The following BEND6 variants were observed in gnomAD, a reference collection of about 807,000 sequenced individuals.
The protein encoded by BEND6 is BEN domain containing 6.
A neutral mutation model predicts 31.8 loss-of-function variants in BEND6; 24 were observed. The observed-to-expected ratio is 0.75, with a 90% CI of 0.55 to 1.06. The LOEUF is 1.06. Ranked by LOEUF, BEND6 falls within the 50% of genes least tolerant of loss-of-function variation. BEND6 has a pLI of 0.00. For synonymous variants in BEND6, 109 were observed against 114.6 expected (o/e 0.95, Z 0.31); for missense variants, 294 against 327.4 (o/e 0.90, Z 0.79).
intron 3 of BEND6, among the ~76,000 whole-genome samples, chr6:57,001,198 C>G (rs1178676147): frequency 1.4e-5 from 2 of 142,206 alleles, no homozygotes; most frequent in East Asian, 4.1e-4. Context: ...GGGTCTTGCT[C>G]TGTTGCCCAG....
intron 4 of BEND6, among the ~76,000 whole-genome samples, chr6:57,016,830 G>C (rs777184066): frequency 6.6e-6 from 1 of 152,150 alleles, no homozygotes; most frequent in Non-Finnish European, 1.5e-5. Context: ...GTGAGGCAAC[G>C]TGTTATAGGT....
At chr6:56,996,199 C>T (rs1431115238) in intron 3 of BEND6, among the ~76,000 whole-genome samples, 1 of 152,172 alleles carries the variant, frequency 6.6e-6, no homozygotes, top group Non-Finnish European at 1.5e-5. Context: ...TGTAATCCAG[C>T]TCTTTGGGAG....
At chr6:57,011,733 A>G (rs1827353666) in intron 3 of BEND6, among the ~76,000 whole-genome samples, 1 of 147,900 alleles carries the variant, frequency 6.8e-6, no homozygotes, top group Middle Eastern at 3.5e-3. Flanking sequence ...AAAAAAAAAA[A>G]AAGAAAAAAA....
chr6:56,968,982 G>A (rs1233752440), intron 1 of BEND6, among the ~76,000 whole-genome samples: 1 of 151,968 alleles, frequency 6.6e-6, no homozygotes, highest in Non-Finnish European at 1.5e-5. Context: ...GGCTGAGGCA[G>A]GAGAATCACT....
chr6:57,015,616 T>C (rs1827527304), intron 4 of BEND6, among the ~76,000 whole-genome samples: 1 of 147,564 alleles, frequency 6.8e-6, no homozygotes, highest in Admixed American at 6.8e-5. Context: ...GCTAACACAG[T>C]GAAATCCCCT....
At chr6:56,957,552 A>C (rs1825132001) in intron 1 of BEND6, among the ~76,000 whole-genome samples, 1 of 152,240 alleles carries the variant, frequency 6.6e-6, no homozygotes, top group Admixed American at 6.5e-5. Flanking sequence ...AATTTAGTAG[A>C]AATTATACCT....
At chr6:56,993,990 G>A (rs1208888927) in intron 3 of BEND6, among the ~76,000 whole-genome samples, 2 of 152,154 alleles carry the variant, frequency 1.3e-5, no homozygotes, top group Non-Finnish European at 1.5e-5. Context: ...GTGAGCCACC[G>A]TACCTGGCCT....
intron 1 of BEND6, among the ~76,000 whole-genome samples, chr6:56,977,494 T>G (rs1006492950): frequency 2.6e-5 from 4 of 152,194 alleles, no homozygotes; most frequent in Non-Finnish European, 4.4e-5. Flanking sequence ...GAAAAATAAT[T>G]AGACAAATTT....
intron 3 of BEND6, chr6:57,009,431 A>T (rs924223564): frequency 4.5e-4 from 69 of 152,338 alleles, no homozygotes; most frequent in African/African-American, 1.6e-3. Context: ...ATCAAATTTT[A>T]AAAAAGGATT....
At chr6:56,995,212 T>G (rs1826660466) in intron 3 of BEND6, among the ~76,000 whole-genome samples, 1 of 151,660 alleles carries the variant, frequency 6.6e-6, no homozygotes, top group Admixed American at 6.6e-5. Flanking sequence ...ATACTATTAT[T>G]TCTCCCATTT....
In BEND6 at chr6:57,026,434, GC is replaced by G. The variant is rs1304797609; in HGVS notation, c.*365del. The stretch of plus-strand genomic sequence containing the variant: ...TCTTATCATAGCAGCCAAAACTTCA[GC>G]CCATAGGTTAGTCATTGTCCTAACC... On this transcript the variant is annotated 3_prime_UTR_variant, in exon 7 of 7. Coordinates refer to ENST00000370746, the MANE Select transcript of BEND6 (RefSeq NM_152731.3). 2.0e-5 allele frequency: 3 copies of G among 152,206 alleles called. No individual in the cohort carries two copies. Among genetic ancestry groups the G allele is most frequent in the Non-Finnish European group, 2.9e-5 (2 of 68,032 alleles). The allele number at this position is 152,206 out of a possible 1,614,324, so 9.4% of individuals were successfully genotyped here. A position where few individuals can be genotyped will look rare whatever the true frequency, so the allele number is the denominator to read the frequency against.
rs1826083523 is a variant in BEND6, at chr6:56,981,866, G to A, written c.56G>A (p.Gly19Glu). 2.5e-6 allele frequency: 4 copies of A among 1,612,940 alleles called. No homozygotes were observed. The South Asian group carries it at 3.3e-5, about 13-fold the overall frequency. ...ACCAATACACAAGCTTTTAGAAAAG[G>A]AAAGAGGAAAAGAACAGAGACAATG... Reference protein sequence around the residue: ...EITNTQAFRKGKRKRTETMDS... With the variant: ...EITNTQAFRKEKRKRTETMDS... Residue 19 changes from glycine to glutamate, a missense_variant, in exon 2 of 7, where the codon GGA (glycine) becomes GAA (glutamate). Physicochemically the swap from Gly to Glu is moderately conservative, Grantham distance 98. Coordinates refer to ENST00000370746, the MANE Select transcript of BEND6 (RefSeq NM_152731.3).
chr6:56,971,426 A>G (rs895163096), intron 1 of BEND6, among the ~76,000 whole-genome samples: 8 of 152,208 alleles, frequency 5.3e-5, no homozygotes, highest in African/African-American at 1.9e-4. Context: ...TAATGCTGCT[A>G]TGAACATGGT....
At chr6:57,003,232 G>C (rs1421565860) in intron 3 of BEND6, among the ~76,000 whole-genome samples, 1 of 152,142 alleles carries the variant, frequency 6.6e-6, no homozygotes. Flanking sequence ...TGGGCACAGT[G>C]GCTCATGCCT....
intron 1 of BEND6, among the ~76,000 whole-genome samples, chr6:56,958,183 G>A (rs1185903634): frequency 1.3e-5 from 2 of 152,144 alleles, no homozygotes; most frequent in African/African-American, 2.4e-5. Flanking sequence ...TGTGTGAGAA[G>A]GGAATTTTAT....
intron 6 of BEND6, among the ~76,000 whole-genome samples, chr6:57,025,279 T>C (rs969408211): frequency 6.6e-6 from 1 of 152,238 alleles, no homozygotes; most frequent in African/African-American, 2.4e-5. Flanking sequence ...CTTGTGGATC[T>C]ACATCTATGA....
chr6:57,010,297 A>G (rs1406759507), intron 3 of BEND6: 1 of 152,236 alleles, frequency 6.6e-6, no homozygotes, highest in Non-Finnish European at 1.5e-5. Flanking sequence ...AAGGGAAAAA[A>G]CTAGGAAGGG....
intron 6 of BEND6, among the ~76,000 whole-genome samples, chr6:57,022,295 G>T (rs1220364611): frequency 6.8e-6 from 1 of 146,904 alleles, no homozygotes; most frequent in Non-Finnish European, 1.5e-5. Flanking sequence ...TTATAATTTT[G>T]ATCTTGTTAC....
rs1473898204 is a variant in BEND6, at chr6:57,026,633, C to T, written c.*561C>T. ...GTCTAACCAAGTAATAATGTTTTAG[C>T]AATAAAATTACAGGATTATTCTGTT... On this transcript the variant is annotated 3_prime_UTR_variant, in exon 7 of 7. Transcript: ENST00000370746. 4 of 151,964 alleles carry T rather than the reference C, an allele frequency of 2.6e-5. No individual in the cohort carries two copies. Among genetic ancestry groups the T allele is most frequent in the Non-Finnish European group, 5.9e-5 (4 of 67,996 alleles). 9.4% of individuals were successfully genotyped at this position (151,964 alleles called of 1,614,324 possible).
Sources: gnomAD v4.1 joint callset for allele counts (sites outside exome capture counted in the v4.1 genomes callset) on GRCh38, gnomAD v4.1.1 for gene constraint, MANE v1.5 for transcripts, NCBI Gene and HGNC (gene_info 2026-07-23, HGNC 2026-07-21) for gene names.